ROCK2: variants seen among roughly 807,000 people sequenced by gnomAD.
ROCK2 encodes the protein Rho associated coiled-coil containing protein kinase 2, also known as rho-associated protein kinase 2.
Under a neutral mutation model 195.1 loss-of-function variants are expected in ROCK2, and 61 were observed. The observed-to-expected ratio is 0.31, with a 90% CI of 0.25 to 0.39. The LOEUF is 0.39. ROCK2 is among the 10% of genes least tolerant of loss of function. The pLI, the probability that ROCK2 is intolerant of heterozygous loss-of-function variation, is 1.00. For synonymous variants in ROCK2, 504 were observed against 545.5 expected (o/e 0.92, Z 1.06); for missense variants, 1,109 against 1,637.4 (o/e 0.68, Z 5.57).
chr2:11,344,874 C>G (rs1266282039), upstream of ROCK2, among the ~76,000 whole-genome samples: 2 of 150,704 alleles, frequency 1.3e-5, no homozygotes, highest in African/African-American at 4.8e-5. The surrounding 1 kb of genome is among the most constrained non-coding windows in gnomAD (Gnocchi z 5.4). Flanking sequence ...CGGTCACGGC[C>G]GAGCTCCTGC....
intron 28 of ROCK2, 131 bp from the exon 29 acceptor site, chr2:11,194,475 A>G (rs562300215): frequency 1.6e-5 from 6 of 383,378 alleles, no homozygotes; most frequent in South Asian, 1.1e-4. Context: ...AGTATTTAAT[A>G]TATCTTTAGG....
intron 1 of ROCK2, among the ~76,000 whole-genome samples, chr2:11,289,978 T>C (rs774892891): frequency 7.2e-5 from 11 of 152,222 alleles, no homozygotes; most frequent in Non-Finnish European, 1.2e-4. Flanking sequence ...GTAGCATCAA[T>C]TTTTAATGAT....
chr2:11,311,453 C>A (rs779790054), intron 1 of ROCK2, among the ~76,000 whole-genome samples: 2 of 151,836 alleles, frequency 1.3e-5, no homozygotes, highest in African/African-American at 4.8e-5. Flanking sequence ...TCTGGACTTA[C>A]GAAGAAGAAA....
chr2:11,305,813 G>T (rs1168531530), intron 1 of ROCK2, among the ~76,000 whole-genome samples: 1 of 152,020 alleles, frequency 6.6e-6, no homozygotes, highest in Non-Finnish European at 1.5e-5. Context: ...TGGGAAATGG[G>T]GTACACAGGA....
At chr2:11,248,735 A>AAG (rs1665718779) in intron 4 of ROCK2, among the ~76,000 whole-genome samples, 1 of 139,584 alleles carries the variant, frequency 7.2e-6, no homozygotes, top group African/African-American at 2.6e-5. Flanking sequence ...AAAAAAAAAA[A>AAG]AAAGAAAGAA....
intron 32 of ROCK2, among the ~76,000 whole-genome samples, chr2:11,185,825 T>C (rs1228839807): frequency 1.3e-5 from 2 of 152,172 alleles, no homozygotes; most frequent in Non-Finnish European, 2.9e-5. Flanking sequence ...ATGAATCAAC[T>C]TGTGCCAAGG....
intron 3 of ROCK2, among the ~76,000 whole-genome samples, chr2:11,269,629 T>C (rs756916003): frequency 1.1e-4 from 17 of 152,384 alleles, no homozygotes; most frequent in Non-Finnish European, 2.2e-4. Flanking sequence ...TACATTTTCC[T>C]GTTTCTTCGG....
intron 1 of ROCK2, among the ~76,000 whole-genome samples, chr2:11,295,997 G>C (rs1667511835): frequency 4.0e-5 from 1 of 24,768 alleles, no homozygotes; most frequent in African/African-American, 1.1e-4. Flanking sequence ...AGAGGAGAGA[G>C]AGAGAGAGGA....
intron 32 of ROCK2, among the ~76,000 whole-genome samples, chr2:11,185,851 C>G (rs1403834846): frequency 6.6e-6 from 1 of 152,130 alleles, no homozygotes; most frequent in African/African-American, 2.4e-5. Context: ...ATCTGGTCCC[C>G]AAAGTCTCAC....
chr2:11,225,081 G>T (rs953491289), intron 6 of ROCK2, among the ~76,000 whole-genome samples: 1 of 152,150 alleles, frequency 6.6e-6, no homozygotes, highest in Non-Finnish European at 1.5e-5. Context: ...TTACATAAGA[G>T]GAAGTCAGGC....
At chr2:11,322,306 A>G (rs917589759) in intron 1 of ROCK2, among the ~76,000 whole-genome samples, 1 of 152,140 alleles carries the variant, frequency 6.6e-6, no homozygotes, top group African/African-American at 2.4e-5. Flanking sequence ...ATATTAATGT[A>G]TCAGTTTTTT....
At chr2:11,293,623 T>C (rs2148203895) in intron 1 of ROCK2, among the ~76,000 whole-genome samples, 1 of 152,338 alleles carries the variant, frequency 6.6e-6, no homozygotes, top group African/African-American at 2.4e-5. Flanking sequence ...CTTGGCACAG[T>C]ACTCTTCCTG....
chr2:11,194,173 T>C, intron 29 of ROCK2, 83 bp downstream of exon 29: 1 of 559,126 alleles, frequency 1.8e-6, no homozygotes, highest in Non-Finnish European at 3.1e-6. Flanking sequence ...GTAGGAGCTA[T>C]ACTATGAGAC....
chr2:11,236,073 T>A, intron 4 of ROCK2, 111 bp from the exon 5 acceptor site: 3 of 961,460 alleles, frequency 3.1e-6, no homozygotes, highest in Non-Finnish European at 4.3e-6. Context: ...AACTATTTTA[T>A]AACCAAAACT....
rs1198022210 is a variant in ROCK2, at chr2:11,333,408, T to C, written c.141+10588A>G. 3.9e-5 allele frequency among the ~76,000 whole-genome samples: 6 copies of C among 152,296 alleles called. No homozygotes were observed. The East Asian group carries it at 1.2e-3, about 29-fold the overall frequency. On this transcript the variant is annotated intron_variant, in intron 1 of 32. Transcript: ENST00000315872. ...CTATGTATCACTCTTCTTTGTCTGC[T>C]AAATGAATACCACTAGTAGATATAG...
At position 11,201,116 on chromosome 2, in the gene ROCK2, G is replaced by C; in HGVS notation, c.2751C>G (p.Ile917Met). ...ERDSLAAQLE[I>M]TLTKADSEQL... ...GCTCAGAATCTGCTTTGGTCAAGGT[G>C]ATCTCCAGTTGGGCAGCCAAAGAGT... Residue 917 changes from isoleucine to methionine, a missense_variant, in exon 23 of 33, where the codon ATC becomes ATG. By Grantham distance (10) the Ile-to-Met change is conservative. Around this residue, in one of 6 missense-constraint regions of ROCK2, gnomAD observed 542 missense variants for 672.0 expected, o/e 0.81. Coordinates refer to ENST00000315872, the MANE Select transcript of ROCK2 (RefSeq NM_004850.5). The surrounding 1 kb of genome is among the most constrained non-coding windows in gnomAD (Gnocchi z 4.6). The C allele has an allele frequency of 1.2e-6, 2 of 1,610,604 alleles. No homozygotes were observed. Among genetic ancestry groups the C allele is most frequent in the Non-Finnish European group, 1.7e-6 (2 of 1,178,932 alleles).
At chr2:11,303,012 T>A (rs1667752728) in intron 1 of ROCK2, among the ~76,000 whole-genome samples, 1 of 152,144 alleles carries the variant, frequency 6.6e-6, no homozygotes, top group African/African-American at 2.4e-5. Flanking sequence ...CACAGAACAT[T>A]CAACACTCAT....
chr2:11,309,341 T>C (rs1042100408), intron 1 of ROCK2, among the ~76,000 whole-genome samples: 4 of 152,280 alleles, frequency 2.6e-5, no homozygotes, highest in African/African-American at 4.8e-5. Flanking sequence ...TGGTATCCTC[T>C]AGAGGTCCTA....
At chr2:11,217,226 G>A in intron 11 of ROCK2, 57 bp from the exon 12 acceptor site, 1 of 852,870 alleles carries the variant, frequency 1.2e-6, no homozygotes. Flanking sequence ...AAGATGAGAG[G>A]CTTAAAGAAA....
Sources: allele counts gnomAD v4.1 joint callset (sites outside exome capture counted in the v4.1 genomes callset), GRCh38; gene constraint gnomAD v4.1.1; regional missense constraint gnomAD v4.1.1; non-coding constraint Gnocchi (gnomAD v3.1); transcripts MANE v1.5; gene names NCBI Gene and HGNC (gene_info 2026-07-23, HGNC 2026-07-21).